The following STAG3 variants were observed in gnomAD, a reference collection of about 807,000 sequenced individuals.
STAG3 encodes cohesin subunit SA-3.
In STAG3, 101 loss-of-function variants were observed where a neutral mutation model predicts 160.7. That is an observed-to-expected ratio of 0.63 (90% confidence interval 0.54 to 0.74). The LOEUF is 0.74. Ranked by LOEUF, STAG3 falls within the 30% of genes least tolerant of loss-of-function variation. The pLI is 0.00. For missense variants in STAG3, 1,188 were observed against 1,517.4 expected, an observed-to-expected ratio of 0.78 and a Z score of 3.61; for synonymous variants, 519 against 585.0, an observed-to-expected ratio of 0.89 and a Z score of 1.63.
chr7:100,196,731 C>T (rs984519837), intron 9 of STAG3, among the ~76,000 whole-genome samples: 5 of 152,092 alleles, frequency 3.3e-5, no homozygotes, highest in Non-Finnish European at 7.4e-5. Context: ...GTAGAGGTTG[C>T]AGTGAGCTGA....
chr7:100,196,366 C>T (rs1405893716), intron 9 of STAG3, among the ~76,000 whole-genome samples: 2 of 151,876 alleles, frequency 1.3e-5, no homozygotes, highest in Non-Finnish European at 2.9e-5. Flanking sequence ...CGGCAAGCCC[C>T]ACCCCCCGGG....
intron 25 of STAG3, 129 bp from the exon 26 acceptor site, chr7:100,203,892 T>C (rs1199507284): frequency 3.3e-6 from 2 of 614,956 alleles, no homozygotes; most frequent in Non-Finnish European, 5.8e-6. Flanking sequence ...GTCTGAATTA[T>C]TTTATGCTTC....
intron 9 of STAG3, among the ~76,000 whole-genome samples, chr7:100,195,855 C>T (rs984719945): frequency 6.6e-6 from 1 of 152,152 alleles, no homozygotes; most frequent in South Asian, 2.1e-4. Context: ...GTAGGCCGGG[C>T]GTGGTGGCTC....
At chr7:100,184,475 T>TTTG (rs1799860182) in intron 4 of STAG3, among the ~76,000 whole-genome samples, 1 of 141,320 alleles carries the variant, frequency 7.1e-6, no homozygotes, top group Admixed American at 7.1e-5. Context: ...TTTTTTTTTT[T>TTTG]TTTTTTTTTT....
In STAG3 at chr7:100,180,096, A is replaced by G. The variant is rs532345384; in HGVS notation, c.-64-397A>G. Among the ~76,000 whole-genome samples the G allele has an allele frequency of 4.8e-4, 73 of 151,990 alleles. 1 individual carries two copies. In the Middle Eastern group the frequency reaches 0.014, roughly 28 times the overall value. On this transcript the variant is annotated intron_variant, in intron 1 of 33. Coordinates refer to ENST00000615138, the MANE Select transcript of STAG3 (RefSeq NM_001282717.2). The stretch of plus-strand genomic sequence containing the variant: ...GGACAGGGTCTTCTTCTGTCACCCA[A>G]GCTGGATGGAGTACAGTGGTGCGAT...
In STAG3 at chr7:100,182,854, C is replaced by T; in HGVS notation, c.336+15C>T. On this transcript the variant is annotated intron_variant, in intron 4 of 33. Coordinates refer to ENST00000615138, the MANE Select transcript of STAG3 (RefSeq NM_001282717.2). ...GTGACATGCAGGTAAAGCAGTGTCT[C>T]ACCTCTGTTGATACCATCTCACTTT... 3 of 1,613,770 alleles carry T rather than the reference C, an allele frequency of 1.9e-6. No individual in the cohort carries two copies. The highest frequency in any genetic ancestry group is 2.5e-6 in the Non-Finnish European group (3 of 1,179,772).
At chr7:100,213,215 C>A (rs7778098) in intron 32 of STAG3, 1 of 761,118 alleles carries the variant, frequency 1.3e-6, no homozygotes, top group Non-Finnish European at 1.6e-6. Flanking sequence ...ACCCCTATGA[C>A]CCAATCACCT....
Position 100,214,172 on chromosome 7 carries a change from T to C in STAG3, c.*157T>C, listed in dbSNP as rs1188571803. The C allele has an allele frequency of 9.4e-7, 1 of 1,065,834 alleles. No individual in the cohort carries two copies. The highest frequency in any genetic ancestry group is 1.4e-6 in the Non-Finnish European group (1 of 724,338). 66.0% of individuals were successfully genotyped at this position (1,065,834 alleles called of 1,614,324 possible). A position where few individuals can be genotyped will look rare whatever the true frequency, so the allele number is the denominator to read the frequency against. ...GGGCATTGTTTTTCTAACCTAACCT[T>C]TCCCTCTGGGGTAGAGAAGCCGAGA... is the stretch of plus-strand genomic sequence containing the variant. On this transcript the variant is annotated 3_prime_UTR_variant, in exon 34 of 34. Coordinates refer to ENST00000615138, the MANE Select transcript of STAG3 (RefSeq NM_001282717.2).
At chr7:100,204,941 T>C (rs893973985) in intron 27 of STAG3, 64 bp from the exon 28 acceptor site, 20 of 1,590,140 alleles carry the variant, frequency 1.3e-5, no homozygotes, top group African/African-American at 4.0e-5. Context: ...TTGGACAGGA[T>C]AGCTCAGGCC....
In STAG3 at chr7:100,188,914, A is replaced by G. The variant is rs141587573; in HGVS notation, c.613A>G (p.Ser205Gly). The part of the protein sequence containing the change: ...VRTLVCQCQY[S>G]LLYDGFPMDD... ...GACATTGGTCTGTCAGTGCCAGTAC[A>G]GCCTCCTCTATGATGGCTTCCCTAT... Residue 205 changes from serine to glycine, a missense_variant, in exon 7 of 34, where the codon AGC becomes GGC. Coordinates refer to ENST00000615138, the MANE Select transcript of STAG3 (RefSeq NM_001282717.2). 50 of 1,614,192 alleles carry G rather than the reference A, an allele frequency of 3.1e-5. No individual in the cohort carries two copies. In the African/African-American group the frequency reaches 6.3e-4, roughly 20 times the overall value.
intron 14 of STAG3, 113 bp downstream of exon 14, chr7:100,199,070 C>T: frequency 9.5e-7 from 1 of 1,055,348 alleles, no homozygotes; most frequent in South Asian, 1.3e-5. Flanking sequence ...TGGGAGGATC[C>T]TTTGAGCCCA....
chr7:100,212,902 T>C (rs1341151759), intron 32 of STAG3: 1 of 152,306 alleles, frequency 6.6e-6, no homozygotes, highest in Non-Finnish European at 1.5e-5. Context: ...AAATCAACAA[T>C]TCAAAAATAA....
rs1562962953 is a variant in STAG3 at position 100,180,585 on chromosome 7, G to T, written c.29G>T (p.Gly10Val). Residue 10 changes from glycine (G) to valine (V), a missense_variant, in exon 2 of 34, where the codon GGA becomes GTA. Physicochemically the swap from Gly to Val is moderately radical, Grantham distance 109. Transcript: ENST00000615138. The stretch of plus-strand genomic sequence containing the variant: ...TCTTCCCCGTTGCAAAGAGCTGTGG[G>T]AGATACCAAGAGGGCCTTGTCTGCA... MSSPLQRAV[G>V]DTKRALSASS... 1 of 1,613,284 alleles carries T rather than the reference G, an allele frequency of 6.2e-7. No homozygotes were observed. Among genetic ancestry groups the T allele is most frequent in the South Asian group, 1.1e-5 (1 of 91,084 alleles).
In STAG3 at chr7:100,213,820, G is replaced by T; in HGVS notation, c.3672+14G>T. The T allele has an allele frequency of 6.2e-7, 1 of 1,614,180 alleles. No individual in the cohort carries two copies. Among genetic ancestry groups the T allele is most frequent in the Non-Finnish European group, 8.5e-7 (1 of 1,179,992 alleles). On this transcript the variant is annotated intron_variant, in intron 33 of 33. Coordinates refer to ENST00000615138, the MANE Select transcript of STAG3 (RefSeq NM_001282717.2). ...CTGGATATTGAGGTGAGTGTCCCCA[G>T]AGCAGGAGTTATGTATCCTTCGGAA... is the stretch of plus-strand genomic sequence containing the variant.
intron 9 of STAG3, among the ~76,000 whole-genome samples, chr7:100,196,155 A>T (rs1800674683): frequency 6.6e-6 from 1 of 152,078 alleles, no homozygotes; most frequent in African/African-American, 2.4e-5. Flanking sequence ...AGAAAAAAAA[A>T]ATTGTAGATG....
At chr7:100,205,419 C>T (rs767079534) in intron 29 of STAG3, 35 bp downstream of exon 29, 3 of 1,557,518 alleles carry the variant, frequency 1.9e-6, no homozygotes, top group Admixed American at 2.0e-5. Context: ...GGGTGCCCAG[C>T]AGGTGGTCGT....
At chr7:100,205,806 G>C (rs1017331781) in intron 29 of STAG3, among the ~76,000 whole-genome samples, 57 of 151,026 alleles carry the variant, frequency 3.8e-4, no homozygotes, top group African/African-American at 1.4e-3. Context: ...CCCCAGCCTG[G>C]GTGACAGAGC....
chr7:100,182,976 C>A (rs1390117181), intron 4 of STAG3, 137 bp downstream of exon 4: 10 of 992,142 alleles, frequency 1.0e-5, no homozygotes, highest in Non-Finnish European at 1.4e-5. Flanking sequence ...TGGGGTGAAT[C>A]CTTGGAGTGA....
chr7:100,179,798 C>T (rs1334503235), intron 1 of STAG3, among the ~76,000 whole-genome samples: 1 of 152,070 alleles, frequency 6.6e-6, no homozygotes, highest in African/African-American at 2.4e-5. Context: ...TGCAGTGGCA[C>T]GATCTCAGCT....
Sources: allele counts gnomAD v4.1 joint callset (sites outside exome capture counted in the v4.1 genomes callset), GRCh38; gene constraint gnomAD v4.1.1; transcripts MANE v1.5; gene names NCBI Gene and HGNC (gene_info 2026-07-23, HGNC 2026-07-21).